The following CSTF2 variants were observed in gnomAD, a reference collection of about 807,000 sequenced individuals.
The protein encoded by CSTF2 is CF-1 64 kDa subunit.
CSTF2 carries 8 observed loss-of-function variants against 45.4 expected under a neutral mutation model. That is an observed-to-expected ratio of 0.18 (90% CI 0.10 to 0.32). CSTF2 has a LOEUF of 0.32. CSTF2 is among the 10% of genes least tolerant of loss of function. CSTF2 has a pLI of 1.00. For missense variants in CSTF2, 253 were observed against 477.1 expected, an observed-to-expected ratio of 0.53 and a Z score of 4.38; for synonymous variants, 155 against 158.9, an observed-to-expected ratio of 0.98 and a Z score of 0.18.
In CSTF2 at chrX:100,833,210, G is replaced by A. The variant is rs1435565359; in HGVS notation, c.1238G>A (p.Arg413Gln). The A allele has an allele frequency of 2.5e-6, 3 of 1,210,885 alleles. No homozygotes were observed. Among genetic ancestry groups the A allele is most frequent in the South Asian group, 1.8e-5 (1 of 56,764 alleles). ...GGRDPRGIDARGMEARAMEAR... is the reference protein window; with the variant it reads ...GGRDPRGIDAQGMEARAMEAR... ...AGGGATCCCCGAGGAATAGATGCAC[G>A]AGGGATGGAGGCCCGAGCCATGGAG... Residue 413 changes from arginine to glutamine, a missense_variant, in exon 11 of 14, where the codon CGA becomes CAA. Coordinates refer to ENST00000372972, the MANE Select transcript of CSTF2 (RefSeq NM_001325.3).
intron 13 of CSTF2, 34 bp downstream of exon 13, chrX:100,838,398 A>G: frequency 8.6e-7 from 1 of 1,159,758 alleles, no homozygotes. Context: ...GAGTAGGACT[A>G]GCTCCTTGTC....
At chrX:100,832,675 T>G in intron 9 of CSTF2, 59 bp from the exon 10 acceptor site, 1 of 1,052,882 alleles carries the variant, frequency 9.5e-7, no homozygotes, top group Non-Finnish European at 1.3e-6. Flanking sequence ...ACTGATCTGG[T>G]TGGTACTTTG....
At chrX:100,821,799 A>G (rs1444977643) in intron 2 of CSTF2, among the ~76,000 whole-genome samples, 194 bp downstream of exon 2, 2 of 112,471 alleles carry the variant, frequency 1.8e-5, no homozygotes, top group Non-Finnish European at 3.8e-5. Context: ...TTTTTCGTTA[A>G]AAATGTTTTT....
chrX:100,829,828 C>T (rs769739014), intron 8 of CSTF2, among the ~76,000 whole-genome samples: 1 of 112,344 alleles, frequency 8.9e-6, no homozygotes, highest in Admixed American at 9.4e-5. Flanking sequence ...AGCCCTCAAT[C>T]CATCAGGTTT....
chrX:100,835,890 AC>A (rs1446977766), intron 11 of CSTF2, among the ~76,000 whole-genome samples: 1 of 111,370 alleles, frequency 9.0e-6, no homozygotes, highest in African/African-American at 3.3e-5. Context: ...AAAAGATTAT[AC>A]TCAATTCCGA....
intron 7 of CSTF2, among the ~76,000 whole-genome samples, chrX:100,827,284 AAG>A (rs765380576): frequency 2.2e-4 from 25 of 112,379 alleles, no homozygotes; most frequent in East Asian, 1.4e-3. Context: ...AAAAGGGAAA[AAG>A]AGAAATTTAA....
intron 11 of CSTF2, among the ~76,000 whole-genome samples, chrX:100,835,082 C>T (rs754083156): frequency 9.1e-6 from 1 of 110,119 alleles, no homozygotes; most frequent in Admixed American, 9.7e-5. Flanking sequence ...TATATATATT[C>T]GTTCATCTAT....
intron 13 of CSTF2, among the ~76,000 whole-genome samples, chrX:100,839,057 G>A (rs1392308920): frequency 1.8e-5 from 2 of 110,049 alleles, no homozygotes; most frequent in African/African-American, 6.6e-5. Context: ...ACCAGCCTAA[G>A]CAACATAGTG....
At chrX:100,830,950 T>C (rs1166376004) in intron 8 of CSTF2, 5 of 818,709 alleles carry the variant, frequency 6.1e-6, no homozygotes, top group Non-Finnish European at 6.9e-6. Context: ...GTGGCAGTCA[T>C]CCTCGCGTTC....
At position 100,824,220 on chromosome X, in the gene CSTF2, A is replaced by G. The variant is rs756137482; in HGVS notation, c.665A>G (p.Asn222Ser). ...GPGSGSNVSM[N>S]QQNPQAPQAQ... is the part of the protein sequence containing the mutation. ...GGCTCAGGATCCAATGTGTCAATGA[A>G]CCAGCAGAATCCTCAGGCCCCTCAG... Residue 222 changes from asparagine (N) to serine (S), a missense_variant, in exon 6 of 14, where the codon AAC (asparagine) becomes AGC (serine). Around this residue, in one of 3 missense-constraint regions of CSTF2, gnomAD observed 200 missense variants for 294.0 expected, o/e 0.68. Transcript: ENST00000372972. 2 of 1,211,673 alleles carry G rather than the reference A, an allele frequency of 1.7e-6. No individual in the cohort carries two copies. The highest frequency in any genetic ancestry group is 2.3e-4 in the Middle Eastern group (1 of 4,354).
chrX:100,822,841 CAAAAAAAAAA>C (rs35086838), intron 3 of CSTF2: 2 of 59,015 alleles, frequency 3.4e-5, no homozygotes, highest in Non-Finnish European at 5.8e-5. Context: ...GACTCTGTCT[CAAAAAAAAAA>C]AAAAAAAAAA....
At chrX:100,835,119 A>C (rs2085000123) in intron 11 of CSTF2, among the ~76,000 whole-genome samples, 1 of 110,987 alleles carries the variant, frequency 9.0e-6, no homozygotes, top group South Asian at 3.8e-4. Flanking sequence ...AAGAACTTCA[A>C]GCCAGGCATG....
intron 3 of CSTF2, 40 bp downstream of exon 3, chrX:100,822,460 A>G: frequency 1.8e-6 from 2 of 1,141,670 alleles, no homozygotes; most frequent in Admixed American, 4.5e-5. Flanking sequence ...TGAGTTAGTA[A>G]AGATGTAACA....
At chrX:100,822,132 A>T in intron 2 of CSTF2, 119 bp from the exon 3 acceptor site, 1 of 478,501 alleles carries the variant, frequency 2.1e-6, no homozygotes, top group Non-Finnish European at 3.4e-6. Context: ...TATTTCTGTG[A>T]GGCTGTCAGA....
chrX:100,823,456 A>T, intron 4 of CSTF2, 28 bp downstream of exon 4: 1 of 1,204,962 alleles, frequency 8.3e-7, no homozygotes, highest in Non-Finnish European at 1.1e-6. Context: ...GTTATGAATA[A>T]AGCAAATCAC....
At chrX:100,829,119 A>T (rs1483737931) in intron 8 of CSTF2, among the ~76,000 whole-genome samples, 1 of 111,926 alleles carries the variant, frequency 8.9e-6, no homozygotes, top group Non-Finnish European at 1.9e-5. Context: ...GATGGGAAAG[A>T]CTGCTTTGGA....
chrX:100,828,610 G>A (rs901139693), intron 8 of CSTF2, among the ~76,000 whole-genome samples: 1 of 111,939 alleles, frequency 8.9e-6, no homozygotes, highest in African/African-American at 3.2e-5. Context: ...GGTCTGTAAC[G>A]CCTACTTAAT....
chrX:100,821,662 C>T (rs1181264965), intron 2 of CSTF2, 57 bp downstream of exon 2: 1 of 897,056 alleles, frequency 1.1e-6, no homozygotes, highest in Non-Finnish European at 1.6e-6. Context: ...ACAGATTTGG[C>T]TCTTAGTAAT....
At chrX:100,837,012 G>C (rs930354535) in intron 11 of CSTF2, among the ~76,000 whole-genome samples, 2 of 111,997 alleles carry the variant, frequency 1.8e-5, no homozygotes, top group Admixed American at 9.5e-5. Context: ...TGTATTTCCA[G>C]TGAGCACTAG....
Sources: gnomAD v4.1 joint callset for allele counts (sites outside exome capture counted in the v4.1 genomes callset) on GRCh38, gnomAD v4.1.1 for gene constraint, gnomAD v4.1.1 regional missense constraint, MANE v1.5 for transcripts, NCBI Gene and HGNC (gene_info 2026-07-23, HGNC 2026-07-21) for gene names.